The following CTNNBIP1 variants were observed in gnomAD, a reference collection of about 807,000 sequenced individuals.
CTNNBIP1 encodes catenin beta interacting protein 1, also known as beta-catenin-interacting protein 1.
In CTNNBIP1, 7 loss-of-function variants were observed where a neutral mutation model predicts 11.8. The observed-to-expected ratio is 0.60, with a 90% CI of 0.34 to 1.12. The LOEUF (loss-of-function observed/expected upper bound fraction) is 1.12. Among genes scored for constraint, CTNNBIP1 ranks in the 50% most tolerant of loss-of-function variants. CTNNBIP1 has a pLI of 0.03. For missense variants in CTNNBIP1, 101 were observed against 113.4 expected, an observed-to-expected ratio of 0.89 and a Z score of 0.50; for synonymous variants, 58 against 43.9, an observed-to-expected ratio of 1.32 and a Z score of -1.26.
At chr1:9,873,686 C>T (rs577227910) in intron 3 of CTNNBIP1, among the ~76,000 whole-genome samples, 3 of 152,222 alleles carry the variant, frequency 2.0e-5, no homozygotes, top group East Asian at 1.9e-4. Context: ...CTCATGATCC[C>T]CCTACTTCCT....
At chr1:9,882,248 A>G (rs750782516) in intron 2 of CTNNBIP1, among the ~76,000 whole-genome samples, 11 of 152,202 alleles carry the variant, frequency 7.2e-5, no homozygotes, top group Admixed American at 1.3e-4. Context: ...TCAGCGAACA[A>G]TTACTGAGCA....
Position 9,867,030 on chromosome 1 carries a change from T to C in CTNNBIP1, c.187+4157A>G, listed in dbSNP as rs1322785362. On this transcript the variant is annotated intron_variant, in intron 5 of 5. Transcript: ENST00000377263. This position sits in a 1 kb window ranked among gnomAD's most constrained non-coding sequence, Gnocchi z 4.6. ...GTGGAAAATCCATGTCAGCTGGGCA[T>C]GGGTGGCTGTGGTGATGCTGGCCAA... 6.6e-6 allele frequency among the ~76,000 whole-genome samples: 1 copy of C among 152,124 alleles called. No homozygotes were observed. The highest frequency in any genetic ancestry group is 1.5e-5 in the Non-Finnish European group (1 of 68,014).
rs1639125028 is a variant in CTNNBIP1, at chr1:9,883,521, C to T, written c.-110+184G>A. Among the ~76,000 whole-genome samples the T allele has an allele frequency of 6.6e-6, 1 of 152,224 alleles. No homozygotes were observed. The highest frequency in any genetic ancestry group is 1.5e-5 in the Non-Finnish European group (1 of 68,038). On this transcript the variant is annotated intron_variant, in intron 2 of 5. Transcript: ENST00000377263. This position sits in a 1 kb window ranked among gnomAD's most constrained non-coding sequence, Gnocchi z 5.6. ...CATGGGACTGCCCCCCATGCACATGCTCCAACAGGACAGGGGCTGCTTCAG... is the reference window on the plus strand; with the variant it reads ...CATGGGACTGCCCCCCATGCACATGTTCCAACAGGACAGGGGCTGCTTCAG...
chr1:9,898,345 G>C (rs770130139), intron 1 of CTNNBIP1, among the ~76,000 whole-genome samples: 1 of 151,996 alleles, frequency 6.6e-6, no homozygotes, highest in Non-Finnish European at 1.5e-5. Flanking sequence ...CCAACGTGGT[G>C]AAACCCCGTC....
At chr1:9,852,954 CAG>C (rs1252793189) in intron 5 of CTNNBIP1, among the ~76,000 whole-genome samples, 4 of 152,186 alleles carry the variant, frequency 2.6e-5, no homozygotes, top group Non-Finnish European at 5.9e-5. Context: ...ACAGCCTGCC[CAG>C]TGTGTGTGCC....
chr1:9,853,183 G>C (rs1262715109), intron 5 of CTNNBIP1, among the ~76,000 whole-genome samples: 1 of 152,208 alleles, frequency 6.6e-6, no homozygotes, highest in Non-Finnish European at 1.5e-5. Context: ...GCTGCGGCCT[G>C]TCTGTGCTCT....
intron 5 of CTNNBIP1, among the ~76,000 whole-genome samples, chr1:9,864,965 A>G (rs1260914912): frequency 1.3e-5 from 2 of 152,216 alleles, no homozygotes; most frequent in African/African-American, 4.8e-5. Context: ...GCAGTGGCTC[A>G]TGCCTATAAT....
At chr1:9,855,601 T>C (rs185584279) in intron 5 of CTNNBIP1, among the ~76,000 whole-genome samples, 1 of 152,274 alleles carries the variant, frequency 6.6e-6, no homozygotes, top group African/African-American at 2.4e-5. Flanking sequence ...ATTGGACTCT[T>C]ACCTTGCAGC....
At chr1:9,897,012 C>T (rs1268776229) in intron 1 of CTNNBIP1, among the ~76,000 whole-genome samples, 2 of 151,596 alleles carry the variant, frequency 1.3e-5, no homozygotes, top group Non-Finnish European at 2.9e-5. Context: ...CATGGTGGCG[C>T]GCGCCTGTAA....
At chr1:9,856,847 G>A (rs1376250542) in intron 5 of CTNNBIP1, among the ~76,000 whole-genome samples, 2 of 151,964 alleles carry the variant, frequency 1.3e-5, no homozygotes, top group Non-Finnish European at 2.9e-5. Context: ...TAATAGGCTG[G>A]GTGCAGTGGC....
intron 1 of CTNNBIP1, among the ~76,000 whole-genome samples, chr1:9,888,351 G>A (rs1639228437): frequency 6.6e-6 from 1 of 151,954 alleles, no homozygotes; most frequent in Non-Finnish European, 1.5e-5. Flanking sequence ...GGAGGCTGAG[G>A]TGCGCGGATC....
At chr1:9,889,088 C>T (rs935836361) in intron 1 of CTNNBIP1, among the ~76,000 whole-genome samples, 38 of 152,172 alleles carry the variant, frequency 2.5e-4, no homozygotes, top group African/African-American at 8.9e-4. Flanking sequence ...CTGCAGGCCA[C>T]CAGCAGGCAT....
intron 2 of CTNNBIP1, chr1:9,878,302 G>C (rs767066523): frequency 6.6e-6 from 1 of 152,240 alleles, no homozygotes; most frequent in Non-Finnish European, 1.5e-5. Context: ...TAATTGAGAC[G>C]CTGTGTTCAG....
intron 5 of CTNNBIP1, among the ~76,000 whole-genome samples, chr1:9,853,074 C>T (rs1332655689): frequency 6.6e-6 from 1 of 152,216 alleles, no homozygotes; most frequent in South Asian, 2.1e-4. Context: ...AAGAGTCCTA[C>T]CCTTCCCACA....
chr1:9,902,454 A>G (rs1639540065), intron 1 of CTNNBIP1, among the ~76,000 whole-genome samples: 2 of 152,178 alleles, frequency 1.3e-5, no homozygotes, highest in Non-Finnish European at 1.5e-5. Flanking sequence ...CTTGCTAACC[A>G]TGGCTCCTGA....
chr1:9,882,459 G>T (rs1354269797), intron 2 of CTNNBIP1, among the ~76,000 whole-genome samples: 1 of 152,190 alleles, frequency 6.6e-6, no homozygotes, highest in African/African-American at 2.4e-5. Flanking sequence ...TGGAGGAGAA[G>T]GAGGAGTTGG....
chr1:9,891,301 CT>C (rs1639295284), intron 1 of CTNNBIP1, among the ~76,000 whole-genome samples: 1 of 152,180 alleles, frequency 6.6e-6, no homozygotes, highest in African/African-American at 2.4e-5. Flanking sequence ...CTCCCATTGC[CT>C]GAGGGTCACC....
chr1:9,863,828 C>T (rs1382273317), intron 5 of CTNNBIP1, among the ~76,000 whole-genome samples: 1 of 152,188 alleles, frequency 6.6e-6, no homozygotes, highest in Non-Finnish European at 1.5e-5. Flanking sequence ...TGAGCTGTAA[C>T]ATGGAGATCA....
At chr1:9,904,101 G>A (rs947681521) in intron 1 of CTNNBIP1, among the ~76,000 whole-genome samples, 9 of 152,148 alleles carry the variant, frequency 5.9e-5, no homozygotes, top group South Asian at 2.1e-4. Context: ...AAATGAGCAC[G>A]TATCATTCTC....
Sources: allele counts gnomAD v4.1 joint callset (sites outside exome capture counted in the v4.1 genomes callset), GRCh38; gene constraint gnomAD v4.1.1; non-coding constraint Gnocchi (gnomAD v3.1); transcripts MANE v1.5; gene names NCBI Gene and HGNC (gene_info 2026-07-23, HGNC 2026-07-21).